Variants in FBXL2 observed in about 807,000 individuals in gnomAD.
FBXL2 encodes the protein F-box/LRR-repeat protein 2.
A neutral mutation model predicts 69.2 loss-of-function variants in FBXL2; 38 were observed. That is an observed-to-expected ratio of 0.55 (90% CI 0.42 to 0.72). FBXL2 has a LOEUF of 0.72. FBXL2 is among the 30% of genes least tolerant of loss of function. The probability of loss-of-function intolerance (pLI) is 0.00; values close to 1 mark genes in which losing one functional copy is unlikely to be tolerated. For synonymous variants in FBXL2, 192 were observed against 201.3 expected (o/e 0.95, Z 0.39); for missense variants, 354 against 520.3 (o/e 0.68, Z 3.11).
At chr3:33,413,327 A>G in the FBXL2 span, among the ~76,000 whole-genome samples, 1 of 125,722 alleles carries the variant, frequency 8.0e-6, no homozygotes, top group Non-Finnish European at 1.6e-5. Flanking sequence ...TGGGAGGATC[A>G]CGAGGTCAGG....
At chr3:33,392,758 CAA>C, downstream of FBXL2, 1 of 693,404 alleles carries the variant, frequency 1.4e-6, no homozygotes, top group Non-Finnish European at 2.4e-6. Flanking sequence ...TGTGAGGCAG[CAA>C]AGATGCACAC....
intron 2 of FBXL2, among the ~76,000 whole-genome samples, chr3:33,324,085 G>T (rs143874763): frequency 1.3e-4 from 20 of 152,148 alleles, no homozygotes; most frequent in Middle Eastern, 3.4e-3. Flanking sequence ...TCATATGTTT[G>T]TTGGCCACAT....
chr3:33,286,993 G>A (rs910392813), intron 1 of FBXL2, among the ~76,000 whole-genome samples: 18 of 152,278 alleles, frequency 1.2e-4, no homozygotes, highest in Middle Eastern at 3.4e-3. Flanking sequence ...TTCCAGGTGA[G>A]GCAATGCCCC....
intron 12 of FBXL2, among the ~76,000 whole-genome samples, chr3:33,394,423 C>G (rs1286228480): frequency 2.6e-5 from 4 of 151,958 alleles, no homozygotes; most frequent in Non-Finnish European, 5.9e-5. Context: ...GTATATGCCC[C>G]TCCCCCACAA....
At position 33,385,771 on chromosome 3, in the gene FBXL2, T is replaced by G; in HGVS notation, c.*163T>G. On this transcript the variant is annotated 3_prime_UTR_variant, in exon 15 of 15. Transcript: ENST00000484457. ...GGATTGCAGTTACTCTGGTGATAGT[T>G]TTCACCTTTATTCTGCTGTGAAACA... 1.6e-6 allele frequency: 1 copy of G among 623,420 alleles called. No homozygotes were observed. Among genetic ancestry groups the G allele is most frequent in the East Asian group, 2.7e-5 (1 of 36,424 alleles). 38.6% of individuals were successfully genotyped at this position (623,420 alleles called of 1,614,324 possible).
the FBXL2 span, among the ~76,000 whole-genome samples, chr3:33,422,496 C>A: frequency 5.3e-5 from 8 of 152,004 alleles, no homozygotes; most frequent in African/African-American, 1.9e-4. Flanking sequence ...GCAGGAAGAT[C>A]GTTTGAGCCC....
At chr3:33,419,356 G>A in the FBXL2 span, among the ~76,000 whole-genome samples, 3 of 152,084 alleles carry the variant, frequency 2.0e-5, no homozygotes, top group Non-Finnish European at 4.4e-5. Flanking sequence ...TAGGCTGGGC[G>A]CAGTGGCTCA....
intron 1 of FBXL2, among the ~76,000 whole-genome samples, chr3:33,293,720 G>A (rs948903567): frequency 3.3e-5 from 5 of 151,866 alleles, no homozygotes; most frequent in Non-Finnish European, 5.9e-5. Context: ...TAAGCCAATT[G>A]TTCTGACTGT....
chr3:33,403,244 G>C (rs1222640567), exon 13 of FBXL2: 2 of 242,996 alleles, frequency 8.2e-6, no homozygotes, highest in African/African-American at 4.7e-5. Flanking sequence ...TTTCCCAACA[G>C]GCACCTATCA....
At chr3:33,359,106 TTTA>T in intron 3 of FBXL2, 85 bp downstream of exon 3, 4 of 950,424 alleles carry the variant, frequency 4.2e-6, no homozygotes, top group Non-Finnish European at 6.1e-6. Flanking sequence ...AAATTAAAAT[TTTA>T]TTATCTTTTA....
chr3:33,356,992 C>T (rs1479381722), intron 2 of FBXL2, among the ~76,000 whole-genome samples: 1 of 152,136 alleles, frequency 6.6e-6, no homozygotes, highest in Non-Finnish European at 1.5e-5. Flanking sequence ...AACCAGACTA[C>T]CTGGGTTCAA....
chr3:33,277,529 C>G lies in FBXL2; in HGVS notation c.3+14C>G. 1 of 1,294,746 alleles carries G rather than the reference C, an allele frequency of 7.7e-7. No homozygotes were observed. The highest frequency in any genetic ancestry group is 9.9e-7 in the Non-Finnish European group (1 of 1,013,308). The allele number at this position is 1,294,746 out of a possible 1,614,324, so 80.2% of individuals were successfully genotyped here. Reference sequence around the variant, plus strand: ...TCTTCGGCCATGGTGAGTCTGGGACCCGCGTCTGCCTAGCTGCCCCGCCCT... The same window carrying G: ...TCTTCGGCCATGGTGAGTCTGGGACGCGCGTCTGCCTAGCTGCCCCGCCCT... On this transcript the variant is annotated intron_variant, in intron 1 of 14. Coordinates refer to ENST00000484457, the MANE Select transcript of FBXL2 (RefSeq NM_012157.5).
At chr3:33,336,274 C>G (rs1280110423) in intron 2 of FBXL2, among the ~76,000 whole-genome samples, 1 of 151,934 alleles carries the variant, frequency 6.6e-6, no homozygotes, top group Non-Finnish European at 1.5e-5. Flanking sequence ...ACAAAAGATT[C>G]CAGAAACAGA....
chr3:33,409,536 C>A, the FBXL2 span: 1 of 1,613,992 alleles, frequency 6.2e-7, no homozygotes, highest in Non-Finnish European at 8.5e-7. Flanking sequence ...CAACCTGGAT[C>A]CTAAAGGGCA....
At chr3:33,378,237 C>A in intron 12 of FBXL2, 90 bp downstream of exon 12, 3 of 1,286,522 alleles carry the variant, frequency 2.3e-6, no homozygotes, top group Non-Finnish European at 3.4e-6. Flanking sequence ...GACTCGCTAT[C>A]ATCCTGACCC....
At position 33,356,721 on chromosome 3, in the gene FBXL2, C is replaced by T. The variant is rs1176284566; in HGVS notation, c.66-2246C>T. On this transcript the variant is annotated intron_variant, in intron 2 of 14. Coordinates refer to ENST00000484457, the MANE Select transcript of FBXL2 (RefSeq NM_012157.5). ...CAAAAGTTGTTTTTGGGAACTCTTA[C>T]GGGTTTCCAGAAGTAGCATTGATTA... is the stretch of plus-strand genomic sequence containing the variant. 5.9e-5 allele frequency among the ~76,000 whole-genome samples: 9 copies of T among 152,220 alleles called. No homozygotes were observed. The East Asian group carries it at 1.5e-3, about 26-fold the overall frequency.
chr3:33,310,336 G>A (rs971787866), intron 2 of FBXL2, among the ~76,000 whole-genome samples: 2 of 151,872 alleles, frequency 1.3e-5, no homozygotes, highest in African/African-American at 4.8e-5. Context: ...TATTTTAGTA[G>A]AGATGGGGTT....
At chr3:33,376,319 T>A (rs567212162) in intron 10 of FBXL2, among the ~76,000 whole-genome samples, 4 of 152,342 alleles carry the variant, frequency 2.6e-5, no homozygotes, top group East Asian at 1.9e-4. Context: ...AGATACTTTT[T>A]AAAAATCTCT....
downstream of FBXL2, chr3:33,390,481 T>A: frequency 9.1e-7 from 1 of 1,103,750 alleles, no homozygotes; most frequent in Non-Finnish European, 1.3e-6. Context: ...AGGTTACCTT[T>A]AAATGATTCT....
Sources: allele counts gnomAD v4.1 joint callset (sites outside exome capture counted in the v4.1 genomes callset), GRCh38; gene constraint gnomAD v4.1.1; transcripts MANE v1.5; gene names NCBI Gene and HGNC (gene_info 2026-07-23, HGNC 2026-07-21).